FAM3B: variants seen among roughly 807,000 people sequenced by gnomAD.
FAM3B encodes the protein FAM3 metabolism regulating signaling molecule B.
In FAM3B, 29 loss-of-function variants were observed where a neutral mutation model predicts 28.4. That is an observed-to-expected ratio of 1.02 (90% confidence interval 0.76 to 1.39). The LOEUF is 1.39. Ranked by LOEUF, FAM3B falls within the 40% of genes most tolerant of loss-of-function variation. The probability of loss-of-function intolerance (pLI) is 0.00; values close to 1 mark genes in which losing one functional copy is unlikely to be tolerated. For synonymous variants in FAM3B, 91 were observed against 103.0 expected, an observed-to-expected ratio of 0.88 and a Z score of 0.71; for missense variants, 266 against 293.9, an observed-to-expected ratio of 0.91 and a Z score of 0.69.
chr21:41,312,338 C>G (rs11909197), upstream of FAM3B, among the ~76,000 whole-genome samples: 4,572 of 152,214 alleles, frequency 0.03, 217 homozygotes, highest in African/African-American at 0.1. Flanking sequence ...TTTAAAAGTG[C>G]TGGTTCACTG....
chr21:41,312,825 G>T (rs2088723295), upstream of FAM3B, among the ~76,000 whole-genome samples: 1 of 152,138 alleles, frequency 6.6e-6, no homozygotes, highest in Non-Finnish European at 1.5e-5. Context: ...GAGGCACATT[G>T]TGCCAGCCTC....
intron 7 of FAM3B, among the ~76,000 whole-genome samples, chr21:41,354,394 A>G (rs899742861): frequency 7.2e-5 from 11 of 152,252 alleles, no homozygotes; most frequent in Non-Finnish European, 1.2e-4. Context: ...GTTCATTACA[A>G]AACTGTTCAC....
chr21:41,311,528 C>A (rs1311138994), intron 1 of FAM3B, among the ~76,000 whole-genome samples: 2 of 150,852 alleles, frequency 1.3e-5, no homozygotes, highest in Non-Finnish European at 3.0e-5. Flanking sequence ...AACAATACAA[C>A]CATTGCCTGT....
rs948791076 is a variant in FAM3B at position 41,357,606 on chromosome 21, C to T, written c.*409C>T. On this transcript the variant is annotated 3_prime_UTR_variant, in exon 8 of 8. Coordinates refer to ENST00000357985, the MANE Select transcript of FAM3B (RefSeq NM_058186.4). ...CCTAGTTTCCGACAGTCATCTCCTT[C>T]TGCTGGGAGAATTAGCAGCAGTTCA... is the stretch of plus-strand genomic sequence containing the variant. 6.6e-6 allele frequency among the ~76,000 whole-genome samples: 1 copy of T among 152,226 alleles called. No individual in the cohort carries two copies. Among genetic ancestry groups the T allele is most frequent in the African/African-American group, 2.4e-5 (1 of 41,462 alleles).
chr21:41,342,546 C>T (rs2089017068), intron 3 of FAM3B, among the ~76,000 whole-genome samples: 1 of 152,250 alleles, frequency 6.6e-6, no homozygotes, highest in South Asian at 2.1e-4. Context: ...TGCTCTTTAT[C>T]ATGGACAGAG....
chr21:41,345,395 T>G (rs549012346), intron 4 of FAM3B, among the ~76,000 whole-genome samples: 3 of 152,058 alleles, frequency 2.0e-5, no homozygotes, highest in Non-Finnish European at 4.4e-5. Context: ...GTGAGGGGTC[T>G]CTGGTGTTTC....
At chr21:41,313,202 T>C (rs1003862436), upstream of FAM3B, among the ~76,000 whole-genome samples, 5 of 152,210 alleles carry the variant, frequency 3.3e-5, no homozygotes, top group African/African-American at 1.2e-4. Flanking sequence ...TTTTTCTTTT[T>C]TAGATAACAT....
intron 2 of FAM3B, among the ~76,000 whole-genome samples, chr21:41,323,793 A>G (rs2088831791): frequency 6.6e-6 from 1 of 152,334 alleles, no homozygotes. Flanking sequence ...GAAGCATCTC[A>G]GTGAAGCAAG....
chr21:41,318,974 C>T (rs1001585640), intron 1 of FAM3B, among the ~76,000 whole-genome samples: 13 of 152,210 alleles, frequency 8.5e-5, no homozygotes, highest in African/African-American at 3.1e-4. Flanking sequence ...CTCACTGCAG[C>T]CTTGAACTTC....
intron 1 of FAM3B, among the ~76,000 whole-genome samples, chr21:41,321,252 C>T (rs569954935): frequency 6.6e-6 from 1 of 152,342 alleles, no homozygotes; most frequent in South Asian, 2.1e-4. Context: ...CAGCGACCCA[C>T]GCGGTGTCAC....
rs1429597167 is a variant in FAM3B, at chr21:41,338,384, T to C, written c.170T>C (p.Val57Ala). The change falls in exon 3 of 8, where the codon GTC becomes GCC. Residue 57 changes from valine (V) to alanine (A), a missense_variant. By Grantham distance (64) the Val-to-Ala change is moderately conservative (BLOSUM62 0). Transcript: ENST00000357985. ...ACTTTCTTATTCATTACAGCTCCAGTCCCCAAAAGGCAAAAATGTGACCAC... is the reference window on the plus strand; with the variant it reads ...ACTTTCTTATTCATTACAGCTCCAGCCCCCAAAAGGCAAAAATGTGACCAC... ...IGERPVLKAP[V>A]PKRQKCDHWT... 6.2e-7 allele frequency: 1 copy of C among 1,614,034 alleles called. No individual in the cohort carries two copies. The highest frequency in any genetic ancestry group is 2.2e-5 in the East Asian group (1 of 44,868).
chr21:41,357,142 C>CT lies in FAM3B; in HGVS notation c.654dup (p.Gly219TrpfsTer25). 6.2e-7 allele frequency: 1 copy of CT among 1,613,492 alleles called. No individual in the cohort carries two copies. The highest frequency in any genetic ancestry group is 2.2e-5 in the East Asian group (1 of 44,852). The stretch of plus-strand genomic sequence containing the variant: ...TCTGATGCTAAGAACAACAGATATT[C>CT]TGGCTGGCCTGCAGAGATCCAGATA... On this transcript the variant is annotated frameshift_variant, in exon 8 of 8. Transcript: ENST00000357985. LOFTEE classifies it high-confidence loss of function.
At chr21:41,345,400 T>C (rs1395816877) in intron 4 of FAM3B, among the ~76,000 whole-genome samples, 1 of 151,522 alleles carries the variant, frequency 6.6e-6, no homozygotes, top group Non-Finnish European at 1.5e-5. Flanking sequence ...GGGTCTCTGG[T>C]GTTTCTGTGA....
At position 41,311,254 on chromosome 21, in the gene FAM3B, ATATATATATATAT is replaced by A. The variant is rs1601344119; in HGVS notation, n.99+6945_99+6957del. 2.2e-3 allele frequency among the ~76,000 whole-genome samples: 62 copies of A among 28,218 alleles called. 2 individuals carry two copies. Among genetic ancestry groups the A allele is most frequent in the Middle Eastern group, 0.026 (1 of 38 alleles). The allele number at this position is 28,218 out of a possible 152,430, so 18.5% of individuals were successfully genotyped here. ...GTCTCTACAAAAAAAAAAAAAAAAT[ATATATATATATAT>A]ATATATATATATATATATATATATA... On this transcript the variant is annotated intron_variant and non_coding_transcript_variant, in intron 1 of 9. Transcript: ENST00000479810.
At chr21:41,304,416 G>C (rs948538858) in intron 1 of FAM3B, 2 of 389,110 alleles carry the variant, frequency 5.1e-6, no homozygotes, top group African/African-American at 4.2e-5. Flanking sequence ...CCCCCGAAGG[G>C]CCCCAGGTTG....
upstream of FAM3B, chr21:41,316,772 G>A: frequency 1.7e-6 from 2 of 1,178,764 alleles, no homozygotes; most frequent in Non-Finnish European, 1.1e-6. Flanking sequence ...GCCCGCCCCT[G>A]CCCGACACGA....
At chr21:41,321,912 C>T (rs976965325) in intron 1 of FAM3B, among the ~76,000 whole-genome samples, 1 of 152,046 alleles carries the variant, frequency 6.6e-6, no homozygotes, top group African/African-American at 2.4e-5. Context: ...TTCCTTTTTC[C>T]TCCTTTCCTC....
At chr21:41,338,327 T>A in intron 2 of FAM3B, 51 bp from the exon 3 acceptor site, 1 of 1,601,304 alleles carries the variant, frequency 6.2e-7, no homozygotes. Context: ...CAGGTGCATC[T>A]GTAAATTACT....
At chr21:41,307,202 T>C (rs1258474674) in intron 1 of FAM3B, among the ~76,000 whole-genome samples, 1 of 152,248 alleles carries the variant, frequency 6.6e-6, no homozygotes, top group African/African-American at 2.4e-5. Context: ...CCTTTCACTT[T>C]TGTGTTACGG....
Sources: gnomAD v4.1 joint callset for allele counts (sites outside exome capture counted in the v4.1 genomes callset) on GRCh38, gnomAD v4.1.1 for gene constraint, MANE v1.5 for transcripts, NCBI Gene and HGNC (gene_info 2026-07-23, HGNC 2026-07-21) for gene names.